NAALADL2: variants seen among roughly 807,000 people sequenced by gnomAD.
The protein encoded by NAALADL2 is inactive N-acetylated-alpha-linked acidic dipeptidase-like protein 2.
Under a neutral mutation model 87.2 loss-of-function variants are expected in NAALADL2, and 76 were observed. The ratio of observed to expected loss-of-function variants is 0.87; its 90% CI spans 0.72 to 1.05. NAALADL2 has a LOEUF of 1.05. Among genes scored for constraint, NAALADL2 ranks in the 50% least tolerant of loss-of-function variants. The pLI, the probability that NAALADL2 is intolerant of heterozygous loss-of-function variation, is 0.00. For synonymous variants in NAALADL2, 354 were observed against 331.0 expected (o/e 1.07, Z -0.75); for missense variants, 1,089 against 945.8 (o/e 1.15, Z -1.99).
At chr3:174,944,199 T>C (rs1435842250) in intron 1 of NAALADL2, among the ~76,000 whole-genome samples, 2 of 152,094 alleles carry the variant, frequency 1.3e-5, no homozygotes, top group Non-Finnish European at 2.9e-5. Flanking sequence ...GGCATGAACA[T>C]GTTGTCAGCC....
intron 13 of NAALADL2, among the ~76,000 whole-genome samples, chr3:175,785,298 G>A (rs1192630046): frequency 1.3e-4 from 20 of 150,248 alleles, no homozygotes; most frequent in African/African-American, 5.0e-4. Flanking sequence ...AAAGTTGACA[G>A]TGGGGTGTTA....
At chr3:175,275,316 G>A (rs912175802) in intron 4 of NAALADL2, among the ~76,000 whole-genome samples, 1 of 152,094 alleles carries the variant, frequency 6.6e-6, no homozygotes. Flanking sequence ...TAGAATAAGT[G>A]ACTTTCTTAA....
chr3:175,248,890 C>T (rs1748496953), intron 3 of NAALADL2, among the ~76,000 whole-genome samples: 1 of 152,106 alleles, frequency 6.6e-6, no homozygotes, highest in Non-Finnish European at 1.5e-5. Context: ...ATAAATATCT[C>T]ATTTTCAATG....
chr3:174,836,609 C>T (rs1035351230), intron 3 of NAALADL2, among the ~76,000 whole-genome samples: 6 of 147,700 alleles, frequency 4.1e-5, no homozygotes, highest in Non-Finnish European at 5.9e-5. Flanking sequence ...CTCGGGAGAC[C>T]GAGGCAGAAG....
intron 2 of NAALADL2, among the ~76,000 whole-genome samples, chr3:174,653,537 T>C (rs1724597173): frequency 6.6e-6 from 1 of 152,168 alleles, no homozygotes; most frequent in African/African-American, 2.4e-5. Context: ...AAGTATAATG[T>C]GTCATGAGCT....
chr3:174,740,676 C>T (rs912795874), intron 3 of NAALADL2, among the ~76,000 whole-genome samples: 7 of 151,730 alleles, frequency 4.6e-5, no homozygotes, highest in Admixed American at 1.3e-4. Context: ...AGAATAATAA[C>T]GGTAAAAATT....
chr3:175,703,840 AC>A (rs1324266681), intron 11 of NAALADL2, among the ~76,000 whole-genome samples: 1 of 152,156 alleles, frequency 6.6e-6, no homozygotes, highest in African/African-American at 2.4e-5. Flanking sequence ...CATCTCTTTG[AC>A]ATGATGAATT....
intron 13 of NAALADL2, among the ~76,000 whole-genome samples, chr3:175,792,198 A>C (rs1752876903): frequency 6.6e-6 from 1 of 152,198 alleles, no homozygotes; most frequent in African/African-American, 2.4e-5. Context: ...GAGGAAATTT[A>C]CTCAGCTAAG....
chr3:174,441,613 G>T (rs1714640516), intron 1 of NAALADL2, among the ~76,000 whole-genome samples: 1 of 152,190 alleles, frequency 6.6e-6, no homozygotes, highest in Non-Finnish European at 1.5e-5. Flanking sequence ...GAGCAGCCTG[G>T]GATCAGAGCC....
intron 9 of NAALADL2, among the ~76,000 whole-genome samples, chr3:175,551,938 A>G (rs902519090): frequency 1.5e-4 from 23 of 151,012 alleles, no homozygotes; most frequent in Non-Finnish European, 2.5e-4. Context: ...AAAAAAAAAA[A>G]GGGAATTATT....
chr3:174,893,359 G>A (rs553031339), intron 1 of NAALADL2, among the ~76,000 whole-genome samples: 3 of 151,258 alleles, frequency 2.0e-5, no homozygotes, highest in African/African-American at 7.3e-5. Context: ...TCACCTGAAG[G>A]TACAAAACTT....
intron 1 of NAALADL2, among the ~76,000 whole-genome samples, chr3:174,446,167 A>G (rs1462435617): frequency 3.9e-5 from 6 of 152,152 alleles, no homozygotes; most frequent in Non-Finnish European, 8.8e-5. Flanking sequence ...TTAGACTTTC[A>G]TCATATTGGG....
intron 4 of NAALADL2, among the ~76,000 whole-genome samples, chr3:175,311,918 T>C (rs1347054271): frequency 6.6e-6 from 1 of 152,200 alleles, no homozygotes; most frequent in Non-Finnish European, 1.5e-5. Context: ...AGTAAAGCAA[T>C]TTGAAATCCT....
chr3:175,262,935 A>G (rs1751313273), intron 4 of NAALADL2, among the ~76,000 whole-genome samples: 1 of 151,748 alleles, frequency 6.6e-6, no homozygotes, highest in Admixed American at 6.6e-5. Context: ...GTACTTTAAA[A>G]TAACATGCTT....
chr3:175,281,961 C>A (rs1413598583), intron 4 of NAALADL2, among the ~76,000 whole-genome samples: 1 of 151,826 alleles, frequency 6.6e-6, no homozygotes, highest in Non-Finnish European at 1.5e-5. Context: ...CAACTGTTCT[C>A]ATGTTTTGTT....
At chr3:175,216,216 G>A (rs79809247) in intron 2 of NAALADL2, among the ~76,000 whole-genome samples, 9,394 of 152,082 alleles carry the variant, frequency 0.062, 902 homozygotes, top group African/African-American at 0.21. Context: ...ATTATGTACC[G>A]TGATTCCCCC....
intron 2 of NAALADL2, among the ~76,000 whole-genome samples, chr3:175,232,431 T>G (rs34069995): frequency 0.14 from 20,775 of 152,120 alleles, 1,693 homozygotes; most frequent in East Asian, 0.29. Flanking sequence ...TGTGTCTGCT[T>G]CTTATGTCTT....
At chr3:175,484,793 G>C (rs933178840) in intron 9 of NAALADL2, among the ~76,000 whole-genome samples, 1 of 152,104 alleles carries the variant, frequency 6.6e-6, no homozygotes, top group Non-Finnish European at 1.5e-5. Flanking sequence ...ATGAACACTT[G>C]ATCTTTTTTT....
At chr3:175,631,426 G>A (rs932160029) in intron 11 of NAALADL2, among the ~76,000 whole-genome samples, 2 of 149,930 alleles carry the variant, frequency 1.3e-5, no homozygotes, top group Admixed American at 1.3e-4. Flanking sequence ...CTTGAAAGTA[G>A]CTTTCCACTG....
Sources: gnomAD v4.1 joint callset for allele counts (sites outside exome capture counted in the v4.1 genomes callset) on GRCh38, gnomAD v4.1.1 for gene constraint, MANE v1.5 for transcripts, NCBI Gene and HGNC (gene_info 2026-07-23, HGNC 2026-07-21) for gene names.